Variants in SDC2 observed in about 807,000 individuals in gnomAD.
SDC2 encodes the protein syndecan 2.
SDC2 carries 13 observed loss-of-function variants against 22.2 expected under a neutral mutation model. That is an observed-to-expected ratio of 0.59 (90% CI 0.38 to 0.93). The LOEUF is 0.93. SDC2 is among the 40% of genes least tolerant of loss of function. The probability of loss-of-function intolerance (pLI) is 0.00; values close to 1 mark genes in which losing one functional copy is unlikely to be tolerated. For synonymous variants in SDC2, 94 were observed against 92.8 expected (o/e 1.01, Z -0.07); for missense variants, 235 against 246.8 (o/e 0.95, Z 0.32).
At chr8:96,534,190 C>T (rs1036617676) in intron 1 of SDC2, among the ~76,000 whole-genome samples, 2 of 152,202 alleles carry the variant, frequency 1.3e-5, no homozygotes, top group Non-Finnish European at 2.9e-5. Context: ...CTGTGTTTCT[C>T]CCTCCACACC....
intron 1 of SDC2, among the ~76,000 whole-genome samples, chr8:96,498,385 CA>C (rs1340344126): frequency 1.3e-5 from 2 of 152,114 alleles, no homozygotes; most frequent in African/African-American, 4.8e-5. Context: ...GCAGCACCAA[CA>C]GGTGTTTACC....
chr8:96,547,031 G>A (rs1170788359), intron 1 of SDC2, among the ~76,000 whole-genome samples: 3 of 152,212 alleles, frequency 2.0e-5, no homozygotes, highest in African/African-American at 7.2e-5. Context: ...CACTCAGCCT[G>A]TAGGCTGCTG....
At chr8:96,541,335 C>T (rs574399329) in intron 1 of SDC2, among the ~76,000 whole-genome samples, 3 of 151,674 alleles carry the variant, frequency 2.0e-5, no homozygotes, top group Non-Finnish European at 4.4e-5. Flanking sequence ...GGCTGTACCC[C>T]GTCTCTCCTA....
In SDC2 at chr8:96,593,590, G is replaced by A. The variant is rs767413524; in HGVS notation, c.171G>A (p.Ser57=). The part of the protein sequence containing the change: ...DDDDYASASG[S]GADEDVESPE... ...ATGACTACGCTTCTGCGTCTGGCTC[G>A]GGTAAGGTGGCTGCTTCTAAACACT... is the stretch of plus-strand genomic sequence containing the variant. The change falls in exon 2 of 5, where the codon TCG becomes TCA. Residue 57 remains serine (S), a splice_region_variant and synonymous_variant. Coordinates refer to ENST00000302190, the MANE Select transcript of SDC2 (RefSeq NM_002998.4). 26 of 1,599,042 alleles carry A rather than the reference G, an allele frequency of 1.6e-5. No homozygotes were observed. Among genetic ancestry groups the A allele is most frequent in the African/African-American group, 2.7e-5 (2 of 74,710 alleles).
chr8:96,573,411 T>G (rs2130588384), intron 1 of SDC2, among the ~76,000 whole-genome samples: 1 of 152,158 alleles, frequency 6.6e-6, no homozygotes, highest in African/African-American at 2.4e-5. Context: ...ACCATGGGAT[T>G]GCTAAGGCTC....
chr8:96,554,275 C>G (rs1027365337), intron 1 of SDC2, among the ~76,000 whole-genome samples: 3 of 152,040 alleles, frequency 2.0e-5, no homozygotes, highest in African/African-American at 2.4e-5. Flanking sequence ...ATTTGAGTAG[C>G]CTGCCATTTT....
rs1813004825 is a variant in SDC2, at chr8:96,494,044, G to A, written c.-228G>A. ...GTGTCGGGAGTGCAGAAACCAACAA[G>A]TGAGAGGGCGCCGCGTTCCCGGGGC... On this transcript the variant is annotated 5_prime_UTR_variant, in exon 1 of 5. The change creates a new upstream start codon in the 5' untranslated region. Transcript: ENST00000302190. 1.8e-6 allele frequency: 1 copy of A among 555,808 alleles called. No individual in the cohort carries two copies. Among genetic ancestry groups the A allele is most frequent in the Non-Finnish European group, 3.1e-6 (1 of 318,638 alleles). The allele number at this position is 555,808 out of a possible 1,614,324, so 34.4% of individuals were successfully genotyped here. A position where few individuals can be genotyped will look rare whatever the true frequency, so the allele number is the denominator to read the frequency against.
intron 3 of SDC2, among the ~76,000 whole-genome samples, chr8:96,607,150 G>C (rs571331460): frequency 1.1e-4 from 15 of 142,036 alleles, no homozygotes; most frequent in Non-Finnish European, 1.8e-4. Flanking sequence ...GGAAAGATTG[G>C]GGACCGCTAA....
chr8:96,525,949 G>C (rs1464763105), intron 1 of SDC2, among the ~76,000 whole-genome samples: 2 of 152,146 alleles, frequency 1.3e-5, no homozygotes, highest in South Asian at 2.1e-4. Context: ...GGAACCTTGT[G>C]GGGTAGGCAT....
chr8:96,528,033 T>A (rs934864526), intron 1 of SDC2, among the ~76,000 whole-genome samples: 7 of 151,398 alleles, frequency 4.6e-5, no homozygotes, highest in Admixed American at 4.6e-4. Context: ...TCCAACAAAA[T>A]AGCACTTTTC....
chr8:96,560,368 A>G (rs1250144607), intron 1 of SDC2, among the ~76,000 whole-genome samples: 1 of 152,244 alleles, frequency 6.6e-6, no homozygotes, highest in Non-Finnish European at 1.5e-5. Context: ...TCATATCTTC[A>G]CAGATTATTT....
intron 1 of SDC2, among the ~76,000 whole-genome samples, chr8:96,533,239 C>T (rs530049992): frequency 1.3e-5 from 2 of 152,218 alleles, no homozygotes; most frequent in African/African-American, 4.8e-5. Flanking sequence ...AAGGGGGACC[C>T]GAGCAGGTTC....
intron 1 of SDC2, among the ~76,000 whole-genome samples, chr8:96,521,813 C>T (rs552564666): frequency 4.6e-5 from 7 of 152,174 alleles, no homozygotes; most frequent in Admixed American, 6.5e-5. Context: ...TGTGCCTTCT[C>T]TTTTTGCTCA....
At chr8:96,534,389 A>G (rs1014561293) in intron 1 of SDC2, among the ~76,000 whole-genome samples, 2 of 152,138 alleles carry the variant, frequency 1.3e-5, no homozygotes, top group African/African-American at 4.8e-5. Context: ...TACTTTAGGC[A>G]ATTTCTTGTG....
At chr8:96,594,072 T>C (rs1814831076) in intron 2 of SDC2, among the ~76,000 whole-genome samples, 1 of 152,116 alleles carries the variant, frequency 6.6e-6, no homozygotes, top group South Asian at 2.1e-4. Context: ...CCTAGGGTAT[T>C]GTAGGAGGAA....
chr8:96,525,521 C>T (rs1813563801), intron 1 of SDC2, among the ~76,000 whole-genome samples: 1 of 152,088 alleles, frequency 6.6e-6, no homozygotes, highest in Non-Finnish European at 1.5e-5. Context: ...AGGTTCTTGC[C>T]CTTGCTGCTT....
chr8:96,602,261 T>C, intron 2 of SDC2, 134 bp from the exon 3 acceptor site: 3 of 867,846 alleles, frequency 3.5e-6, no homozygotes, highest in Non-Finnish European at 5.4e-6. Context: ...GGAAGCTTTG[T>C]GCTGAAGTCT....
At chr8:96,547,026 A>C (rs1813945288) in intron 1 of SDC2, among the ~76,000 whole-genome samples, 1 of 152,244 alleles carries the variant, frequency 6.6e-6, no homozygotes, top group African/African-American at 2.4e-5. Context: ...TTTTCCACTC[A>C]GCCTGTAGGC....
chr8:96,591,871 A>G (rs1814787367), intron 1 of SDC2, among the ~76,000 whole-genome samples: 1 of 152,082 alleles, frequency 6.6e-6, no homozygotes, highest in South Asian at 2.1e-4. Context: ...GGGGGAGGGA[A>G]GCCTTGCCTT....
Sources: allele counts gnomAD v4.1 joint callset (sites outside exome capture counted in the v4.1 genomes callset), GRCh38; gene constraint gnomAD v4.1.1; transcripts MANE v1.5; gene names NCBI Gene and HGNC (gene_info 2026-07-23, HGNC 2026-07-21).